CYLC1: variants seen among roughly 807,000 people sequenced by gnomAD.
The protein encoded by CYLC1 is cylicin 1.
A neutral mutation model predicts 31.6 loss-of-function variants in CYLC1; 2 were observed. That is an observed-to-expected ratio of 0.06 (90% CI 0.03 to 0.20). The LOEUF (loss-of-function observed/expected upper bound fraction) is 0.20, where lower values mean the gene tolerates loss of function less well. Among genes scored for constraint, CYLC1 ranks in the 10% least tolerant of loss-of-function variants. CYLC1 has a pLI of 1.00. For missense variants in CYLC1, 595 were observed against 424.1 expected, an observed-to-expected ratio of 1.40 and a Z score of -3.54; for synonymous variants, 185 against 153.0, an observed-to-expected ratio of 1.21 and a Z score of -1.54.
At chrX:83,871,969 T>C (rs1436959756) in intron 3 of CYLC1, among the ~76,000 whole-genome samples, 4 of 111,326 alleles carry the variant, frequency 3.6e-5, no homozygotes, top group African/African-American at 1.3e-4. Context: ...TTCTCTAAAG[T>C]CGAGTTATCC....
At chrX:83,876,471 T>C (rs1036366811) in intron 4 of CYLC1, among the ~76,000 whole-genome samples, 5 of 111,634 alleles carry the variant, frequency 4.5e-5, no homozygotes, top group African/African-American at 1.6e-4. Flanking sequence ...ATACAAGGAT[T>C]AATTTTAATT....
chrX:83,881,987 C>A (rs747381028), intron 4 of CYLC1, among the ~76,000 whole-genome samples: 1 of 110,691 alleles, frequency 9.0e-6, no homozygotes, highest in African/African-American at 3.3e-5. Context: ...TGAGCCACCG[C>A]GCCTGGTCAC....
chrX:83,870,964 C>T (rs2031654877), intron 2 of CYLC1, among the ~76,000 whole-genome samples: 1 of 110,455 alleles, frequency 9.1e-6, no homozygotes, highest in African/African-American at 3.3e-5. Context: ...CAGAGAGGTG[C>T]TAAAAGAAAC....
intron 4 of CYLC1, among the ~76,000 whole-genome samples, chrX:83,874,854 G>T (rs370528635): frequency 5.4e-5 from 6 of 110,615 alleles, no homozygotes; most frequent in African/African-American, 1.6e-4. Flanking sequence ...CTAGAGAAGA[G>T]AGAAATGACT....
rs1435507182 is a variant in CYLC1 at position 83,878,190 on chromosome X, AAT to A, written c.1923+3569_1923+3570del. ...TATAAAATATATATATTTGTATATA[AAT>A]ATATATATAAATATATATAAATATA... On this transcript the variant is annotated intron_variant, in intron 4 of 4. Transcript: ENST00000329312. Among the ~76,000 whole-genome samples, 72 of 22,809 alleles carry A rather than the reference AAT, an allele frequency of 3.2e-3. 1 individual carries two copies. The East Asian group carries it at 0.062, about 20-fold the overall frequency. 19.8% of individuals were successfully genotyped at this position (22,809 alleles called of 115,157 possible). A position where few individuals can be genotyped will look rare whatever the true frequency, so the allele number is the denominator to read the frequency against.
intron 2 of CYLC1, among the ~76,000 whole-genome samples, chrX:83,871,076 A>C (rs1232084885): frequency 7.8e-5 from 7 of 90,242 alleles, no homozygotes; most frequent in African/African-American, 2.4e-4. Context: ...ATCTAACTAA[A>C]GTGACATAAA....
intron 4 of CYLC1, among the ~76,000 whole-genome samples, chrX:83,877,197 G>T (rs1051558309): frequency 1.8e-4 from 20 of 110,789 alleles, no homozygotes; most frequent in African/African-American, 6.6e-4. Flanking sequence ...AGCAAGACTT[G>T]TTTACTCTAC....
At chrX:83,861,305 TTTTA>T in intron 1 of CYLC1, 106 bp downstream of exon 1, 1 of 568,087 alleles carries the variant, frequency 1.8e-6, no homozygotes. Context: ...TTCATAGTCG[TTTTA>T]TTTATGAATT....
At chrX:83,870,397 T>C (rs1412842963) in intron 2 of CYLC1, among the ~76,000 whole-genome samples, 1 of 111,493 alleles carries the variant, frequency 9.0e-6, no homozygotes, top group Non-Finnish European at 1.9e-5. Flanking sequence ...AAGAAGCCTA[T>C]AACAATGTGA....
rs763642837 is a variant in CYLC1, at chrX:83,861,197, G to T, written c.15G>T (p.Arg5Ser). Residue 5 changes from arginine to serine, a missense_variant and splice_region_variant, in exon 1 of 5, where the codon AGG (arginine) becomes AGT (serine). Physicochemically the swap from Arg to Ser is moderately radical, Grantham distance 110. Transcript: ENST00000329312. Reference protein sequence around the residue: MSLPRLLKVNIRTYD... With the variant: MSLPSLLKVNIRTYD... ...AGGCAGGGGAAATGTCTCTTCCAAG[G>T]TTGTAAGTCCTCTTTTTAATATTTT... 1.7e-6 allele frequency: 2 copies of T among 1,191,176 alleles called. No individual in the cohort carries two copies. Among genetic ancestry groups the T allele is most frequent in the South Asian group, 1.8e-5 (1 of 54,083 alleles).
rs2031704155 is a variant in CYLC1, at chrX:83,873,418, T to G, written c.710T>G (p.Ile237Ser). 8.3e-7 allele frequency: 1 copy of G among 1,202,328 alleles called. No homozygotes were observed. Among genetic ancestry groups the G allele is most frequent in the Non-Finnish European group, 1.1e-6 (1 of 891,792 alleles). Reference protein sequence around the residue: ...SKTSNDPISEICSENSLNVDF... With the variant: ...SKTSNDPISESCSENSLNVDF... ...ACTAGTAATGATCCCATATCAGAGA[T>G]TTGCTCAGAAAATAGTTTAAATGTT... is the stretch of plus-strand genomic sequence containing the variant. Residue 237 changes from isoleucine to serine, a missense_variant, in exon 4 of 5, where the codon ATT becomes AGT. By Grantham distance (142) the Ile-to-Ser change is moderately radical (BLOSUM62 -2). Transcript: ENST00000329312.
In CYLC1 at chrX:83,871,601, G is replaced by A. The variant is rs185258122; in HGVS notation, c.177+31G>A. 363 of 1,143,262 alleles carry A rather than the reference G, an allele frequency of 3.2e-4. 1 individual carries two copies. The African/African-American group carries it at 5.0e-3, about 16-fold the overall frequency. The allele number at this position is 1,143,262 out of a possible 1,213,427, so 94.2% of individuals were successfully genotyped here. A position where few individuals can be genotyped will look rare whatever the true frequency, so the allele number is the denominator to read the frequency against. ...TATAGAAAAAGTCATTTTTAAAAAC[G>A]AAATCTAAGTTGGTAAAGCATATAT... On this transcript the variant is annotated intron_variant, in intron 3 of 4. Coordinates refer to ENST00000329312, the MANE Select transcript of CYLC1 (RefSeq NM_021118.3).
At chrX:83,875,070 T>C (rs1432425644) in intron 4 of CYLC1, among the ~76,000 whole-genome samples, 1 of 111,472 alleles carries the variant, frequency 9.0e-6, no homozygotes, top group African/African-American at 3.2e-5. Flanking sequence ...ACATAGCAGG[T>C]GGAATACATG....
intron 4 of CYLC1, 128 bp from the exon 5 acceptor site, chrX:83,886,424 A>G (rs758941139): frequency 1.7e-6 from 1 of 577,724 alleles, no homozygotes; most frequent in African/African-American, 2.3e-5. Flanking sequence ...AATAAAAATG[A>G]TATCCAAGTT....
chrX:83,874,084 A>T lies in CYLC1; in HGVS notation c.1376A>T (p.Lys459Met). 1 of 1,204,883 alleles carries T rather than the reference A, an allele frequency of 8.3e-7. No individual in the cohort carries two copies. The highest frequency in any genetic ancestry group is 1.7e-5 in the African/African-American group (1 of 57,431). Residue 459 changes from lysine to methionine, a missense_variant, in exon 4 of 5, where the codon AAG (lysine) becomes ATG (methionine). Transcript: ENST00000329312. ...EPKGDSKKGK[K>M]DEKKGKKDSK... ...AAGGGAGATTCAAAAAAGGGTAAAA[A>T]GGATGAAAAGAAGGGGAAGAAAGAT...
intron 1 of CYLC1, 45 bp downstream of exon 1, chrX:83,861,244 T>C: frequency 1.0e-6 from 1 of 954,258 alleles, no homozygotes; most frequent in Non-Finnish European, 1.5e-6. Context: ...AAATAGCCAA[T>C]ATGCTCAATT....
At chrX:83,865,120 T>C (rs772331449) in intron 1 of CYLC1, among the ~76,000 whole-genome samples, 1 of 111,665 alleles carries the variant, frequency 9.0e-6, no homozygotes, top group African/African-American at 3.2e-5. Flanking sequence ...CACTTTGATG[T>C]GTAATAGATA....
chrX:83,871,445 C>A lies in CYLC1; in HGVS notation c.59-7C>A, dbSNP rs758534227. 5.9e-6 allele frequency: 7 copies of A among 1,177,562 alleles called. No homozygotes were observed. In the South Asian group the frequency reaches 1.3e-4, roughly 22 times the overall value. ...CTCCAAATTGTTTATTATCCTTTCT[C>A]ATTTAGTCAGTGAATCAAGCAGAAA... On this transcript the variant is annotated splice_polypyrimidine_tract_variant and splice_region_variant and intron_variant, in intron 2 of 4. Coordinates refer to ENST00000329312, the MANE Select transcript of CYLC1 (RefSeq NM_021118.3).
chrX:83,866,708 T>G (rs1357492473), intron 1 of CYLC1, among the ~76,000 whole-genome samples: 1 of 111,038 alleles, frequency 9.0e-6, no homozygotes, highest in African/African-American at 3.3e-5. Context: ...GCTGAGATGG[T>G]TGATCACATC....
Sources: gnomAD v4.1 joint callset for allele counts (sites outside exome capture counted in the v4.1 genomes callset) on GRCh38, gnomAD v4.1.1 for gene constraint, MANE v1.5 for transcripts, NCBI Gene and HGNC (gene_info 2026-07-23, HGNC 2026-07-21) for gene names.